SERINC2: variants seen among roughly 807,000 people sequenced by gnomAD.
SERINC2 encodes the protein tumor differentially expressed protein 2.
A neutral mutation model predicts 54.2 loss-of-function variants in SERINC2; 56 were observed. That is an observed-to-expected ratio of 1.03 (90% CI 0.83 to 1.29). SERINC2 has a LOEUF of 1.29. Ranked by LOEUF, SERINC2 falls within the 50% of genes most tolerant of loss-of-function variation. The pLI is 0.00. For missense variants in SERINC2, 614 were observed against 607.4 expected (o/e 1.01, Z -0.12); for synonymous variants, 272 against 253.1 (o/e 1.07, Z -0.71).
chr1:31,434,197 T>A lies in SERINC2; in HGVS notation c.1366T>A (p.Ter456ArgextTer20). Residue 456 changes from the stop codon to arginine (R), a stop_lost, in exon 10 of 10, where the codon TGA becomes AGA. Coordinates refer to ENST00000373709, the MANE Select transcript of SERINC2 (RefSeq NM_178865.5). ...CCTCCTGCGCAACCGCGACTTCAGC[T>A]GAGGCAGCCTCACAGCCTGCCATCT... ...PLLLRNRDFS[*>R] The A allele has an allele frequency of 2.5e-6, 4 of 1,612,618 alleles. No homozygotes were observed. The highest frequency in any genetic ancestry group is 3.4e-6 in the Non-Finnish European group (4 of 1,179,712).
chr1:31,432,165 TAGGGTGGATAGGGTGGA>T (rs1641304808), intron 8 of SERINC2, among the ~76,000 whole-genome samples: 1 of 19,686 alleles, frequency 5.1e-5, no homozygotes, highest in Non-Finnish European at 1.3e-4. Context: ...ACAGGGTGGA[TAGGGTGGATAGGGTGGA>T]TAGGGTGGTT....
rs781947754 is a variant in SERINC2, at chr1:31,433,090, C to T, written c.1137C>T (p.Asn379=). 22 of 1,613,676 alleles carry T rather than the reference C, an allele frequency of 1.4e-5. No homozygotes were observed. The highest frequency in any genetic ancestry group is 1.7e-4 in the Middle Eastern group (1 of 6,060). ...VAACEGRAFD[N]EQDGVTYSYS... The stretch of plus-strand genomic sequence containing the variant: ...CCTGTGAGGGCCGGGCCTTTGACAA[C>T]GAGCAGGACGGCGTCACCTACAGCT... The change falls in exon 9 of 10, where the codon AAC becomes AAT. Residue 379 remains asparagine (N), a synonymous_variant. Coordinates refer to ENST00000373709, the MANE Select transcript of SERINC2 (RefSeq NM_178865.5).
At position 31,423,815 on chromosome 1, in the gene SERINC2, C is replaced by T; in HGVS notation, c.162C>T (p.Ile54=). The change falls in exon 2 of 10, where the codon ATC becomes ATT. Residue 54 remains isoleucine (I), a synonymous_variant. Transcript: ENST00000373709. The stretch of plus-strand genomic sequence containing the variant: ...TCTTCCTGGGGGTGCTGGTGTCCAT[C>T]ATTATGCTGAGCCCGGGCGTGGAGA... The part of the protein sequence containing the change: ...FFLFLGVLVS[I]IMLSPGVESQ... 1 of 1,614,066 alleles carries T rather than the reference C, an allele frequency of 6.2e-7. No individual in the cohort carries two copies. Among genetic ancestry groups the T allele is most frequent in the South Asian group, 1.1e-5 (1 of 91,076 alleles).
In SERINC2 at chr1:31,423,777, T is replaced by C. The variant is rs1389062718; in HGVS notation, c.124T>C (p.Phe42Leu). 1 of 1,614,024 alleles carries C rather than the reference T, an allele frequency of 6.2e-7. No individual in the cohort carries two copies. The highest frequency in any genetic ancestry group is 8.5e-7 in the Non-Finnish European group (1 of 1,180,014). The change falls in exon 2 of 10, where the codon TTC (phenylalanine) becomes CTC (leucine). Residue 42 changes from phenylalanine to leucine, a missense_variant. By Grantham distance (22) the Phe-to-Leu change is conservative. Transcript: ENST00000373709. ...SRNSTVSRLIFTFFLFLGVLV... is the reference protein window; with the variant it reads ...SRNSTVSRLILTFFLFLGVLV... ...CAACTCCACCGTGAGCCGCCTCATC[T>C]TCACGTTCTTCCTCTTCCTGGGGGT...
Position 31,434,032 on chromosome 1 carries a change from ACCAGGCTCATGGGGAAGATGGTGTGTT to A in SERINC2, c.1233-25_1234del. The stretch of plus-strand genomic sequence containing the variant: ...CAAGATGGAAGTCACCAGACTGGGC[ACCAGGCTCATGGGGAAGATGGTGTGTT>A]CCAGGCCCGGTGAGACCCGGAAGAT... On this transcript the variant is annotated splice_region_variant and splice_polypyrimidine_tract_variant and intron_variant, in intron 9 of 9. Transcript: ENST00000373709. 1 of 1,609,196 alleles carries A rather than the reference ACCAGGCTCATGGGGAAGATGGTGTGTT, an allele frequency of 6.2e-7. No homozygotes were observed.
At position 31,423,769 on chromosome 1, in the gene SERINC2, G is replaced by A. The variant is rs946339787; in HGVS notation, c.116G>A (p.Arg39His). ...CPASRNSTVS[R>H]LIFTFFLFLG... ...GCCAGCCGCAACTCCACCGTGAGCC[G>A]CCTCATCTTCACGTTCTTCCTCTTC... The change falls in exon 2 of 10, where the codon CGC (arginine) becomes CAC (histidine). Residue 39 changes from arginine to histidine, a missense_variant. Transcript: ENST00000373709. 3.1e-6 allele frequency: 5 copies of A among 1,613,730 alleles called. No individual in the cohort carries two copies. Among genetic ancestry groups the A allele is most frequent in the African/African-American group, 2.7e-5 (2 of 74,930 alleles).
intron 1 of SERINC2, among the ~76,000 whole-genome samples, chr1:31,423,469 C>A (rs1360264258): frequency 6.6e-6 from 1 of 152,198 alleles, no homozygotes; most frequent in African/African-American, 2.4e-5. Context: ...CACAGTATCA[C>A]TGGAGATAGA....
intron 5 of SERINC2, 23 bp downstream of exon 5, chr1:31,425,936 C>G: frequency 6.2e-7 from 1 of 1,603,428 alleles, no homozygotes; most frequent in Non-Finnish European, 8.5e-7. Context: ...ACCCTGCCTC[C>G]GTGTGGGGAC....
At position 31,428,968 on chromosome 1, in the gene SERINC2, C is replaced by G; in HGVS notation, c.781-10C>G. On this transcript the variant is annotated splice_polypyrimidine_tract_variant and intron_variant, in intron 6 of 9. Coordinates refer to ENST00000373709, the MANE Select transcript of SERINC2 (RefSeq NM_178865.5). ...TCTGGCAGGGGTCTTACCAGGGGTC[C>G]TCTTGCCAGGACGCCCAGCCCAACT... 1.9e-6 allele frequency: 3 copies of G among 1,613,078 alleles called. No individual in the cohort carries two copies. Among genetic ancestry groups the G allele is most frequent in the East Asian group, 4.5e-5 (2 of 44,876 alleles).
At chr1:31,413,152 G>C, upstream of SERINC2, 1 of 1,001,942 alleles carries the variant, frequency 1.0e-6, no homozygotes, top group Non-Finnish European at 1.2e-6. This position sits in a 1 kb window ranked among gnomAD's most constrained non-coding sequence, Gnocchi z 5.0. Context: ...GCTTCGGTAG[G>C]TGGGGCGGGG....
chr1:31,432,627 A>G (rs145452266), intron 8 of SERINC2, among the ~76,000 whole-genome samples: 1 of 152,304 alleles, frequency 6.6e-6, no homozygotes, highest in African/African-American at 2.4e-5. Flanking sequence ...AATCCTAACA[A>G]TAGTGACTGT....
intron 8 of SERINC2, among the ~76,000 whole-genome samples, chr1:31,432,081 G>C (rs1641278240): frequency 8.2e-6 from 1 of 121,628 alleles, no homozygotes; most frequent in Non-Finnish European, 1.7e-5. Context: ...TGGACAGGGT[G>C]GTTAGGGTGG....
chr1:31,429,965 TC>T (rs1553134230), intron 8 of SERINC2, among the ~76,000 whole-genome samples: 1 of 151,840 alleles, frequency 6.6e-6, no homozygotes, highest in African/African-American at 2.4e-5. Context: ...CCCCACACTC[TC>T]CCCCGAGAGA....
intron 1 of SERINC2, among the ~76,000 whole-genome samples, chr1:31,419,931 C>T (rs1553132612): frequency 3.9e-5 from 6 of 152,220 alleles, no homozygotes. Flanking sequence ...ATTGCTTGAG[C>T]CCCGGAGGTG....
At position 31,433,103 on chromosome 1, in the gene SERINC2, G is replaced by C. The variant is rs782500834; in HGVS notation, c.1150G>C (p.Val384Leu). 1.9e-6 allele frequency: 3 copies of C among 1,613,590 alleles called. No homozygotes were observed. The highest frequency in any genetic ancestry group is 1.1e-5 in the South Asian group (1 of 91,088). The change falls in exon 9 of 10, where the codon GTC (valine) becomes CTC (leucine). Residue 384 changes from valine (V) to leucine (L), a missense_variant. Transcript: ENST00000373709. Reference sequence around the variant, plus strand: ...GGCCTTTGACAACGAGCAGGACGGCGTCACCTACAGCTACTCCTTCTTCCA... The same window carrying C: ...GGCCTTTGACAACGAGCAGGACGGCCTCACCTACAGCTACTCCTTCTTCCA... ...GRAFDNEQDG[V>L]TYSYSFFHFC...
chr1:31,416,089 G>A (rs1220588927), intron 1 of SERINC2, among the ~76,000 whole-genome samples: 2 of 152,160 alleles, frequency 1.3e-5, no homozygotes, highest in African/African-American at 4.8e-5. Context: ...TTGCCTCTTC[G>A]CATCTCTGTG....
chr1:31,411,800 C>G (rs1415826388), upstream of SERINC2, among the ~76,000 whole-genome samples: 1 of 152,030 alleles, frequency 6.6e-6, no homozygotes, highest in African/African-American at 2.4e-5. Context: ...GAGTTCGAGA[C>G]TAGCCTGGAC....
intron 1 of SERINC2, among the ~76,000 whole-genome samples, chr1:31,422,167 C>A (rs1347011100): frequency 6.6e-6 from 1 of 151,624 alleles, no homozygotes; most frequent in Admixed American, 6.6e-5. Context: ...GGCATGGTGG[C>A]GTGTGCTTGT....
chr1:31,416,838 G>A (rs1553132279), intron 1 of SERINC2, among the ~76,000 whole-genome samples: 3 of 152,136 alleles, frequency 2.0e-5, no homozygotes, highest in African/African-American at 7.2e-5. Flanking sequence ...TCCTGCCTCA[G>A]CCTCCCGAGT....
Sources: allele counts gnomAD v4.1 joint callset (sites outside exome capture counted in the v4.1 genomes callset), GRCh38; gene constraint gnomAD v4.1.1; non-coding constraint Gnocchi (gnomAD v3.1); transcripts MANE v1.5; gene names NCBI Gene and HGNC (gene_info 2026-07-23, HGNC 2026-07-21).